Variants in RCOR1 observed in about 807,000 individuals in gnomAD.
The protein encoded by RCOR1 is REST corepressor 1.
RCOR1 carries 12 observed loss-of-function variants against 64.0 expected under a neutral mutation model. That is an observed-to-expected ratio of 0.19 (90% CI 0.12 to 0.30). RCOR1 has a LOEUF of 0.30. RCOR1 is among the 10% of genes least tolerant of loss of function. The pLI is 1.00. For synonymous variants in RCOR1, 279 were observed against 227.2 expected (o/e 1.23, Z -2.05); for missense variants, 502 against 621.2 (o/e 0.81, Z 2.04).
chr14:102,716,376 C>G (rs1431074678), intron 8 of RCOR1, among the ~76,000 whole-genome samples: 2 of 152,128 alleles, frequency 1.3e-5, no homozygotes, highest in Non-Finnish European at 2.9e-5. Context: ...AGTAATTCTT[C>G]ATTTTAAGGT....
intron 2 of RCOR1, among the ~76,000 whole-genome samples, chr14:102,600,568 ATTTT>A (rs750778582): frequency 7.9e-6 from 1 of 127,006 alleles, no homozygotes; most frequent in African/African-American, 3.0e-5. Flanking sequence ...TGCCCAGCTA[ATTTT>A]TTTTTTTTTT....
intron 2 of RCOR1, among the ~76,000 whole-genome samples, chr14:102,613,852 G>C (rs1344168724): frequency 6.7e-6 from 1 of 149,064 alleles, no homozygotes; most frequent in Non-Finnish European, 1.5e-5. Context: ...CACCGCGCCT[G>C]GCTGAGATAG....
chr14:102,607,228 C>T (rs762126714), intron 2 of RCOR1, among the ~76,000 whole-genome samples: 24 of 152,034 alleles, frequency 1.6e-4, no homozygotes, highest in Non-Finnish European at 3.1e-4. Context: ...CCACCGCGCC[C>T]GGCTGAGTAG....
At chr14:102,641,507 G>C (rs764969974) in intron 2 of RCOR1, among the ~76,000 whole-genome samples, 2 of 151,412 alleles carry the variant, frequency 1.3e-5, no homozygotes, top group African/African-American at 2.4e-5. Context: ...AGCTGAGGTG[G>C]GCGGATCACT....
intron 2 of RCOR1, among the ~76,000 whole-genome samples, chr14:102,639,497 T>TTTA (rs1894317962): frequency 5.2e-5 from 7 of 135,388 alleles, no homozygotes; most frequent in Non-Finnish European, 9.4e-5. Flanking sequence ...ATTTTTTAAT[T>TTTA]TTTATTTATT....
intron 2 of RCOR1, among the ~76,000 whole-genome samples, chr14:102,676,637 T>TC (rs1895166954): frequency 1.3e-5 from 1 of 77,134 alleles, no homozygotes; most frequent in African/African-American, 5.4e-5. Context: ...GGGGGGCTGA[T>TC]CCCCCCACCT....
At position 102,687,421 on chromosome 14, in the gene RCOR1, C is replaced by T. The variant is rs570193051; in HGVS notation, c.445+5443C>T. ...TCATTTAATAAACTGTAATTCAACG[C>T]TTAAAACATTAATACTATACTAGTT... On this transcript the variant is annotated intron_variant, in intron 3 of 11. Transcript: ENST00000262241. Among the ~76,000 whole-genome samples the T allele has an allele frequency of 2.2e-4, 34 of 152,274 alleles. No homozygotes were observed. The Middle Eastern group carries it at 0.017, about 76-fold the overall frequency.
chr14:102,726,415 GTTGTTTACCTACTCT>G (rs1896263900), intron 11 of RCOR1, 38 bp from the exon 12 acceptor site: 3 of 1,502,176 alleles, frequency 2.0e-6, no homozygotes. Context: ...AGCAGCTTGT[GTTGTTTACCTACTCT>G]TTGATCCTTT....
intron 2 of RCOR1, among the ~76,000 whole-genome samples, chr14:102,653,983 CTT>C (rs1160437928): frequency 3.0e-5 from 1 of 33,176 alleles, no homozygotes; most frequent in Non-Finnish European, 6.2e-5. Context: ...TTCTTTCTTT[CTT>C]TTTTTTTTTT....
At chr14:102,726,432 T>C in intron 11 of RCOR1, 36 bp from the exon 12 acceptor site, 1 of 1,567,328 alleles carries the variant, frequency 6.4e-7, no homozygotes, top group Admixed American at 1.8e-5. Flanking sequence ...ACCTACTCTT[T>C]GATCCTTTTT....
intron 2 of RCOR1, 69 bp from the exon 3 acceptor site, chr14:102,681,826 G>T (rs892113293): frequency 4.2e-5 from 46 of 1,104,982 alleles, no homozygotes; most frequent in Non-Finnish European, 5.6e-5. Context: ...TCATTAAAAG[G>T]TATTGTTACT....
chr14:102,713,628 C>T (rs113042807), intron 7 of RCOR1, among the ~76,000 whole-genome samples: 17 of 152,142 alleles, frequency 1.1e-4, no homozygotes, highest in South Asian at 4.2e-4. Context: ...CTAGAACAGA[C>T]GTAGTCAGTT....
At chr14:102,649,848 G>C in intron 2 of RCOR1, 2 of 902,786 alleles carry the variant, frequency 2.2e-6, no homozygotes, top group Non-Finnish European at 2.6e-6. Context: ...AAAATGAATT[G>C]GTTATCTAAC....
At chr14:102,662,558 G>A in intron 2 of RCOR1, 2 of 475,130 alleles carry the variant, frequency 4.2e-6, no homozygotes, top group Non-Finnish European at 8.1e-6. Flanking sequence ...GAGTCGCAGT[G>A]TTTTGGGCCG....
At chr14:102,701,811 G>A (rs776603361) in intron 4 of RCOR1, among the ~76,000 whole-genome samples, 4 of 152,090 alleles carry the variant, frequency 2.6e-5, no homozygotes, top group South Asian at 4.1e-4. Context: ...CTCTGCCTCC[G>A]GGGTTCAAGT....
rs760411723 is a variant in RCOR1 at position 102,708,601 on chromosome 14, G to T, written c.779+18G>T. On this transcript the variant is annotated intron_variant, in intron 6 of 11. Coordinates refer to ENST00000262241, the MANE Select transcript of RCOR1 (RefSeq NM_015156.4). ...GAGGAGAGGTGAGCACATGGCTGGG[G>T]TGTTGTCTAACCACTTAGGGGACTA... 2 of 1,427,026 alleles carry T rather than the reference G, an allele frequency of 1.4e-6. No homozygotes were observed. The highest frequency in any genetic ancestry group is 2.8e-5 in the African/African-American group (2 of 70,824). The allele number at this position is 1,427,026 out of a possible 1,614,324, so 88.4% of individuals were successfully genotyped here.
chr14:102,667,296 T>C (rs1360401307), intron 2 of RCOR1, among the ~76,000 whole-genome samples: 1 of 151,874 alleles, frequency 6.6e-6, no homozygotes, highest in Non-Finnish European at 1.5e-5. Flanking sequence ...AGGTCAGGAG[T>C]TCGAGACCAG....
chr14:102,654,786 GTTT>G (rs570052553), intron 2 of RCOR1, among the ~76,000 whole-genome samples: 41 of 118,368 alleles, frequency 3.5e-4, no homozygotes, highest in African/African-American at 1.3e-3. Context: ...CTGTGGTTGA[GTTT>G]TTTTTTTTTT....
chr14:102,630,491 G>A (rs1894089135), intron 2 of RCOR1, among the ~76,000 whole-genome samples: 1 of 152,166 alleles, frequency 6.6e-6, no homozygotes, highest in East Asian at 1.9e-4. Context: ...CAAAGTATCT[G>A]CTTAGCATGT....
Sources: allele counts gnomAD v4.1 joint callset (sites outside exome capture counted in the v4.1 genomes callset), GRCh38; gene constraint gnomAD v4.1.1; transcripts MANE v1.5; gene names NCBI Gene and HGNC (gene_info 2026-07-23, HGNC 2026-07-21).